The following SETD2 variants were observed in gnomAD, a reference collection of about 807,000 sequenced individuals.
SETD2 encodes the protein histone-lysine N-methyltransferase SETD2.
SETD2 carries 31 observed loss-of-function variants against 242.1 expected under a neutral mutation model. The observed-to-expected ratio is 0.13, with a 90% CI of 0.10 to 0.17. The LOEUF is 0.17. Ranked by LOEUF, SETD2 falls within the 10% of genes least tolerant of loss-of-function variation. The pLI, the probability that SETD2 is intolerant of heterozygous loss-of-function variation, is 1.00. For synonymous variants in SETD2, 1,006 were observed against 1,066.5 expected, an observed-to-expected ratio of 0.94 and a Z score of 1.11; for missense variants, 2,481 against 3,046.3, an observed-to-expected ratio of 0.81 and a Z score of 4.37.
At chr3:47,064,691 C>T (rs181601121) in intron 13 of SETD2, 101 of 315,650 alleles carry the variant, frequency 3.2e-4, no homozygotes, top group African/African-American at 2.2e-3. Flanking sequence ...TTTCACAATC[C>T]TTCCAAATTT....
At chr3:47,126,167 C>T (rs895636274) in intron 2 of SETD2, among the ~76,000 whole-genome samples, 3 of 152,082 alleles carry the variant, frequency 2.0e-5, no homozygotes, top group Non-Finnish European at 4.4e-5. Context: ...GTAGCTGGGA[C>T]TAAGCCACCA....
At chr3:47,135,145 C>G (rs772705828) in intron 1 of SETD2, among the ~76,000 whole-genome samples, 33 of 152,278 alleles carry the variant, frequency 2.2e-4, no homozygotes, top group Non-Finnish European at 4.4e-4. Flanking sequence ...TACAAGGTAA[C>G]AAATAATAAT....
At chr3:47,025,346 T>C (rs1163456307) in intron 18 of SETD2, among the ~76,000 whole-genome samples, 2 of 152,244 alleles carry the variant, frequency 1.3e-5, no homozygotes, top group African/African-American at 2.4e-5. Context: ...TTCCTAACTT[T>C]GCCTAACTAT....
chr3:47,090,674 G>A (rs1260922316), intron 9 of SETD2, among the ~76,000 whole-genome samples: 1 of 152,126 alleles, frequency 6.6e-6, no homozygotes, highest in Admixed American at 6.6e-5. Context: ...ATAGCCGTGA[G>A]CCACTGCGCC....
In SETD2 at chr3:47,017,986, G is replaced by A. The variant is rs939893093; in HGVS notation, c.7432-247C>T. 3.3e-5 allele frequency among the ~76,000 whole-genome samples: 5 copies of A among 152,096 alleles called. No individual in the cohort carries two copies. The highest frequency in any genetic ancestry group is 1.2e-4 in the African/African-American group (5 of 41,404). Reference sequence around the variant, plus strand: ...TAAGCAAGCCTTAAAGGAGGCTGGAGGGACTCAACAGCATGACTTCAATGC... The same window carrying A: ...TAAGCAAGCCTTAAAGGAGGCTGGAAGGACTCAACAGCATGACTTCAATGC... On this transcript the variant is annotated intron_variant, in intron 19 of 20. Transcript: ENST00000409792. The surrounding 1 kb of genome is among the most constrained non-coding windows in gnomAD (Gnocchi z 4.8).
chr3:47,059,927 G>T (rs919565100), intron 14 of SETD2, among the ~76,000 whole-genome samples: 1 of 152,144 alleles, frequency 6.6e-6, no homozygotes, highest in East Asian at 1.9e-4. Flanking sequence ...GGGATTACAG[G>T]CATGAGCCAC....
At chr3:47,116,494 C>A in intron 4 of SETD2, 129 bp downstream of exon 4, 1 of 798,554 alleles carries the variant, frequency 1.3e-6, no homozygotes, top group Admixed American at 2.4e-5. Flanking sequence ...AAAGTGTCTA[C>A]TATACTTTTT....
intron 9 of SETD2, among the ~76,000 whole-genome samples, chr3:47,088,573 T>G (rs1226213892): frequency 2.6e-5 from 4 of 152,096 alleles, no homozygotes; most frequent in African/African-American, 9.7e-5. Flanking sequence ...TGGGAGACCA[T>G]GAACAAATTA....
chr3:47,045,862 G>A (rs59837951), intron 16 of SETD2, among the ~76,000 whole-genome samples: 1 of 145,974 alleles, frequency 6.9e-6, no homozygotes, highest in African/African-American at 2.5e-5. Context: ...TGCAAGCTCC[G>A]CCTCCCAGGT....
intron 1 of SETD2, among the ~76,000 whole-genome samples, chr3:47,143,723 T>A (rs988627166): frequency 6.6e-6 from 1 of 152,208 alleles, no homozygotes; most frequent in Non-Finnish European, 1.5e-5. Flanking sequence ...ACTTTTTTTT[T>A]TTATTTTGAG....
intron 15 of SETD2, among the ~76,000 whole-genome samples, chr3:47,052,482 G>C (rs1015590654): frequency 6.6e-6 from 1 of 151,952 alleles, no homozygotes; most frequent in African/African-American, 2.4e-5. Context: ...TGAAAAACCT[G>C]TATCACATTT....
intron 15 of SETD2, among the ~76,000 whole-genome samples, chr3:47,050,551 T>C (rs2039779601): frequency 1.3e-5 from 2 of 152,084 alleles, no homozygotes; most frequent in Non-Finnish European, 2.9e-5. Context: ...GTCCACATGG[T>C]GCTCAAAGGA....
chr3:47,157,776 G>A (rs1292570161), intron 1 of SETD2, among the ~76,000 whole-genome samples: 1 of 151,836 alleles, frequency 6.6e-6, no homozygotes, highest in African/African-American at 2.4e-5. Flanking sequence ...GGGAGGCTGA[G>A]GCAAGAGAAC....
chr3:47,051,158 G>A (rs1017899494), intron 15 of SETD2, among the ~76,000 whole-genome samples: 6 of 151,364 alleles, frequency 4.0e-5, no homozygotes, highest in Non-Finnish European at 7.4e-5. Context: ...AGGCTGGAAC[G>A]CAGTGGTGCC....
chr3:47,046,668 T>C, intron 15 of SETD2, 47 bp from the exon 16 acceptor site: 1 of 1,540,644 alleles, frequency 6.5e-7, no homozygotes, highest in Non-Finnish European at 8.8e-7. Context: ...TTTGTCACTT[T>C]AATAAACAGA....
intron 16 of SETD2, among the ~76,000 whole-genome samples, chr3:47,045,450 G>A (rs1255631995): frequency 2.6e-5 from 4 of 151,212 alleles, no homozygotes; most frequent in Admixed American, 6.6e-5. Context: ...CCCAGGAGGC[G>A]GAGCTTGCAG....
At chr3:47,021,281 A>G (rs1201951716) in intron 18 of SETD2, among the ~76,000 whole-genome samples, 2 of 152,166 alleles carry the variant, frequency 1.3e-5, no homozygotes, top group South Asian at 2.1e-4. Flanking sequence ...AACAGAAATG[A>G]GTACAGAAAG....
intron 18 of SETD2, among the ~76,000 whole-genome samples, chr3:47,037,288 C>T (rs59087671): frequency 0.052 from 6,153 of 117,442 alleles, 595 homozygotes; most frequent in African/African-American, 0.19. Flanking sequence ...CCCTCCCCCC[C>T]ACCCCACAAC....
At chr3:47,046,864 T>A (rs907439641) in intron 15 of SETD2, 6 of 262,400 alleles carry the variant, frequency 2.3e-5, no homozygotes, top group African/African-American at 1.3e-4. Flanking sequence ...AAAAGCTTTT[T>A]TTTTTTTGGT....
Sources: allele counts gnomAD v4.1 joint callset (sites outside exome capture counted in the v4.1 genomes callset), GRCh38; gene constraint gnomAD v4.1.1; non-coding constraint Gnocchi (gnomAD v3.1); transcripts MANE v1.5; gene names NCBI Gene and HGNC (gene_info 2026-07-23, HGNC 2026-07-21).